Variants in SIPA1L3 observed in about 807,000 individuals in gnomAD.
The protein encoded by SIPA1L3 is signal induced proliferation associated 1 like 3, also known as signal-induced proliferation-associated 1-like protein 3.
SIPA1L3 carries 59 observed loss-of-function variants against 150.1 expected under a neutral mutation model. The observed-to-expected ratio is 0.39, with a 90% CI of 0.32 to 0.49. The LOEUF (loss-of-function observed/expected upper bound fraction) is 0.49. Ranked by LOEUF, SIPA1L3 falls within the 20% of genes least tolerant of loss-of-function variation. The pLI is 0.86. For synonymous variants in SIPA1L3, 1,070 were observed against 1,077.6 expected, an observed-to-expected ratio of 0.99 and a Z score of 0.14; for missense variants, 2,211 against 2,489.5, an observed-to-expected ratio of 0.89 and a Z score of 2.38.
rs1237717484 is a variant in SIPA1L3, at chr19:38,111,541, G to A, written c.2291+1157G>A. ...TTCTAGAAATGGAGGTGCTGGAGCA[G>A]AGGACGTGTGTATGTGCACCAGTAG... On this transcript the variant is annotated intron_variant, in intron 8 of 21. Transcript: ENST00000222345. Among the ~76,000 whole-genome samples the A allele has an allele frequency of 2.6e-5, 4 of 152,210 alleles. No homozygotes were observed. The East Asian group carries it at 7.7e-4, about 29-fold the overall frequency.
chr19:38,081,535 G>A lies in SIPA1L3; in HGVS notation c.-31G>A, dbSNP rs763558382. The A allele has an allele frequency of 7.8e-6, 12 of 1,543,016 alleles. No individual in the cohort carries two copies. Among genetic ancestry groups the A allele is most frequent in the African/African-American group, 6.8e-5 (5 of 73,278 alleles). On this transcript the variant is annotated 5_prime_UTR_variant, in exon 3 of 22. Transcript: ENST00000222345. ...CCCATAGAGTGACACCACAGCGTAC[G>A]GGGCCAGCAGCACTCCAGTGCCCGT...
intron 9 of SIPA1L3, 97 bp downstream of exon 9, chr19:38,119,979 C>T: frequency 1.3e-6 from 1 of 781,610 alleles, no homozygotes; most frequent in Non-Finnish European, 2.0e-6. Flanking sequence ...TAGGCTAAGA[C>T]ACGCACTGGC....
At chr19:38,120,965 C>T (rs948412528) in intron 9 of SIPA1L3, among the ~76,000 whole-genome samples, 3 of 152,230 alleles carry the variant, frequency 2.0e-5, no homozygotes, top group Non-Finnish European at 4.4e-5. Flanking sequence ...CCCAGCACTG[C>T]CACTTACCAG....
chr19:37,931,614 A>T (rs1429627967), intron 1 of SIPA1L3, among the ~76,000 whole-genome samples: 1 of 150,954 alleles, frequency 6.6e-6, no homozygotes, highest in African/African-American at 2.4e-5. Flanking sequence ...GCTGGGTGTG[A>T]TGGTGCACGC....
intron 1 of SIPA1L3, among the ~76,000 whole-genome samples, chr19:37,972,168 AGTGTGTGTGTGT>A (rs34744094): frequency 1.1e-4 from 16 of 144,944 alleles, no homozygotes; most frequent in South Asian, 4.6e-4. Context: ...AGAGATACCT[AGTGTGTGTGTGT>A]GTGTGTGTGT....
intron 20 of SIPA1L3, chr19:38,203,814 A>G: frequency 3.1e-6 from 1 of 322,150 alleles, no homozygotes; most frequent in Non-Finnish European, 5.8e-6. Context: ...TCCTGGAGGT[A>G]CGAAGAAGGG....
chr19:37,919,370 G>A (rs1449493673), intron 1 of SIPA1L3, among the ~76,000 whole-genome samples: 1 of 152,212 alleles, frequency 6.6e-6, no homozygotes, highest in Non-Finnish European at 1.5e-5. Context: ...TGTTCTGACT[G>A]CTTCTCAGCT....
intron 11 of SIPA1L3, 150 bp downstream of exon 11, chr19:38,141,585 C>G (rs1014593512): frequency 3.5e-6 from 3 of 866,432 alleles, no homozygotes; most frequent in Non-Finnish European, 3.5e-6. Context: ...CCTTGTTCCT[C>G]CCTCCCTCCT....
intron 1 of SIPA1L3, among the ~76,000 whole-genome samples, chr19:37,975,732 G>T (rs1488452849): frequency 6.6e-6 from 1 of 152,188 alleles, no homozygotes; most frequent in East Asian, 1.9e-4. Flanking sequence ...AGGACTGCTT[G>T]ACAGGGACTG....
rs576880297 is a variant in SIPA1L3, at chr19:38,011,196, C to T, written c.-378-17893C>T. Among the ~76,000 whole-genome samples, 9 of 152,168 alleles carry T rather than the reference C, an allele frequency of 5.9e-5. No individual in the cohort carries two copies. The South Asian group carries it at 6.2e-4, about 11-fold the overall frequency. On this transcript the variant is annotated intron_variant, in intron 1 of 21. Transcript: ENST00000222345. The stretch of plus-strand genomic sequence containing the variant: ...AGACATAATAAAGCAATCAGTGGGT[C>T]GGGCCTAGTGGCTCACACCTGTAAT...
intron 1 of SIPA1L3, among the ~76,000 whole-genome samples, chr19:37,972,795 A>G (rs1220467914): frequency 6.6e-6 from 1 of 152,228 alleles, no homozygotes; most frequent in Admixed American, 6.5e-5. Flanking sequence ...TAGTTTGCCT[A>G]TATTCCTAAT....
intron 1 of SIPA1L3, among the ~76,000 whole-genome samples, chr19:37,996,389 G>A (rs1219900275): frequency 6.6e-6 from 1 of 152,014 alleles, no homozygotes; most frequent in Non-Finnish European, 1.5e-5. Context: ...AGCCTTTATT[G>A]TTTTTAATTG....
intron 12 of SIPA1L3, among the ~76,000 whole-genome samples, chr19:38,143,049 A>G (rs1405395040): frequency 6.6e-6 from 1 of 152,088 alleles, no homozygotes; most frequent in African/African-American, 2.4e-5. Flanking sequence ...AGCATTACCC[A>G]GTTTTCGAGA....
chr19:38,065,053 GTGTAATCA>G (rs1969541314), intron 2 of SIPA1L3, among the ~76,000 whole-genome samples: 1 of 152,204 alleles, frequency 6.6e-6, no homozygotes, highest in South Asian at 2.1e-4. Context: ...CTACGCAGGC[GTGTAATCA>G]TATGAACATT....
At chr19:38,048,782 C>T (rs1969118026) in intron 2 of SIPA1L3, among the ~76,000 whole-genome samples, 1 of 152,154 alleles carries the variant, frequency 6.6e-6, no homozygotes, top group Non-Finnish European at 1.5e-5. Flanking sequence ...ATCATCCACC[C>T]TCAGTTAACA....
chr19:38,098,333 T>C (rs950984743), intron 4 of SIPA1L3, among the ~76,000 whole-genome samples: 7 of 152,042 alleles, frequency 4.6e-5, no homozygotes, highest in Non-Finnish European at 7.4e-5. Context: ...GCTCCAAACA[T>C]TTCATTCTCA....
chr19:38,041,263 C>A (rs185476645), intron 2 of SIPA1L3, among the ~76,000 whole-genome samples: 1 of 142,548 alleles, frequency 7.0e-6, no homozygotes, highest in East Asian at 2.1e-4. Context: ...CCCGCCAACA[C>A]GCTCAGCTAA....
intron 2 of SIPA1L3, among the ~76,000 whole-genome samples, chr19:38,064,082 C>T (rs1202729058): frequency 6.6e-6 from 1 of 152,234 alleles, no homozygotes; most frequent in Non-Finnish European, 1.5e-5. Flanking sequence ...GGCATTTGTG[C>T]CCATACTCCA....
At chr19:38,033,208 A>G (rs1399140191) in intron 2 of SIPA1L3, among the ~76,000 whole-genome samples, 3 of 152,248 alleles carry the variant, frequency 2.0e-5, no homozygotes, top group African/African-American at 7.2e-5. Flanking sequence ...CGCAATAGAA[A>G]AGGAAAGTGA....
Sources: gnomAD v4.1 joint callset for allele counts (sites outside exome capture counted in the v4.1 genomes callset) on GRCh38, gnomAD v4.1.1 for gene constraint, MANE v1.5 for transcripts, NCBI Gene and HGNC (gene_info 2026-07-23, HGNC 2026-07-21) for gene names.